Variants in PSAT1 observed in about 807,000 individuals in gnomAD.
PSAT1 encodes phosphoserine aminotransferase.
Under a neutral mutation model 40.3 loss-of-function variants are expected in PSAT1, and 41 were observed. That is an observed-to-expected ratio of 1.02 (90% CI 0.79 to 1.32). The LOEUF (loss-of-function observed/expected upper bound fraction) is 1.32, where lower values mean the gene tolerates loss of function less well. Among genes scored for constraint, PSAT1 ranks in the 40% most tolerant of loss-of-function variants. PSAT1 has a pLI of 0.00. For missense variants in PSAT1, 406 were observed against 455.8 expected (o/e 0.89, Z 0.99); for synonymous variants, 147 against 170.5 (o/e 0.86, Z 1.07).
intron 6 of PSAT1, among the ~76,000 whole-genome samples, chr9:78,309,938 C>T (rs1204767585): frequency 6.6e-6 from 1 of 152,168 alleles, no homozygotes; most frequent in African/African-American, 2.4e-5. Flanking sequence ...GTACCCCTTT[C>T]ACTGGGTTGC....
At chr9:78,316,972 C>A (rs572972827) in intron 6 of PSAT1, among the ~76,000 whole-genome samples, 2 of 151,962 alleles carry the variant, frequency 1.3e-5, no homozygotes, top group Admixed American at 6.6e-5. Context: ...ATGGGCAAGG[C>A]GCTCTGGGAG....
intron 6 of PSAT1, among the ~76,000 whole-genome samples, chr9:78,314,461 A>G (rs112958199): frequency 3.7e-5 from 4 of 108,590 alleles, no homozygotes; most frequent in Non-Finnish European, 5.4e-5. Flanking sequence ...AGGACCTCCT[A>G]TCTTGTGTTA....
intron 7 of PSAT1, among the ~76,000 whole-genome samples, chr9:78,319,943 C>G (rs1338700175): frequency 6.6e-6 from 1 of 151,582 alleles, no homozygotes; most frequent in Non-Finnish European, 1.5e-5. Flanking sequence ...CATCTACTCA[C>G]CCACCCATCC....
intron 8 of PSAT1, 124 bp from the exon 9 acceptor site, chr9:78,328,857 G>T (rs1479936130): frequency 3.9e-6 from 3 of 771,886 alleles, no homozygotes; most frequent in Non-Finnish European, 6.8e-6. Context: ...GGAGTTTTTA[G>T]GTAGGAGACC....
At chr9:78,298,448 AGGG>A in intron 1 of PSAT1, 1 of 984,834 alleles carries the variant, frequency 1.0e-6, no homozygotes, top group Non-Finnish European at 1.2e-6. Flanking sequence ...TTACTTTTCT[AGGG>A]GCAGCGCTCA....
rs1828161692 is a variant in PSAT1, at chr9:78,305,033, T to A, written c.397+93T>A. On this transcript the variant is annotated intron_variant, in intron 4 of 8. Coordinates refer to ENST00000376588, the MANE Select transcript of PSAT1 (RefSeq NM_058179.4). Reference sequence around the variant, plus strand: ...TGTAGTTTTCAATTATTTTCTCCCCTTGACAGTGTTAGTTCATTACCATTT... The same window carrying A: ...TGTAGTTTTCAATTATTTTCTCCCCATGACAGTGTTAGTTCATTACCATTT... 14 of 1,153,182 alleles carry A rather than the reference T, an allele frequency of 1.2e-5. No homozygotes were observed. In the East Asian group the frequency reaches 3.4e-4, roughly 28 times the overall value. 71.4% of individuals were successfully genotyped at this position (1,153,182 alleles called of 1,614,324 possible).
chr9:78,305,316 T>C (rs574915560), intron 4 of PSAT1, among the ~76,000 whole-genome samples: 33 of 152,294 alleles, frequency 2.2e-4, no homozygotes, highest in African/African-American at 7.7e-4. Context: ...AGTTTAACCA[T>C]GTTGGCCAGG....
chr9:78,329,191 AT>A lies in PSAT1; in HGVS notation c.*106del, dbSNP rs1828545581. The A allele has an allele frequency of 2.4e-6, 2 of 816,804 alleles. No homozygotes were observed. 50.6% of individuals were successfully genotyped at this position (816,804 alleles called of 1,614,324 possible). A position where few individuals can be genotyped will look rare whatever the true frequency, so the allele number is the denominator to read the frequency against. Reference sequence around the variant, plus strand: ...AACACAGTATTTTTCTCAAATGAACATGTTTATTGCAGATTCTTCTTTTTTG... The same window carrying A: ...AACACAGTATTTTTCTCAAATGAACAGTTTATTGCAGATTCTTCTTTTTTG... On this transcript the variant is annotated 3_prime_UTR_variant, in exon 9 of 9. Transcript: ENST00000376588.
chr9:78,315,496 A>G (rs984236632), intron 6 of PSAT1, among the ~76,000 whole-genome samples: 1 of 152,074 alleles, frequency 6.6e-6, no homozygotes, highest in Non-Finnish European at 1.5e-5. Flanking sequence ...GACTTCTTGG[A>G]CGTTAGCCAG....
At chr9:78,303,659 A>G (rs1200119092) in intron 3 of PSAT1, among the ~76,000 whole-genome samples, 2 of 152,180 alleles carry the variant, frequency 1.3e-5, no homozygotes, top group Non-Finnish European at 2.9e-5. Flanking sequence ...AGAGTCTCCT[A>G]AGACCTGCTG....
At chr9:78,324,839 G>A (rs888130847) in intron 7 of PSAT1, among the ~76,000 whole-genome samples, 10 of 152,034 alleles carry the variant, frequency 6.6e-5, no homozygotes, top group African/African-American at 2.2e-4. Context: ...ACACCGGCCC[G>A]TCCTACTCAT....
chr9:78,308,673 A>G lies in PSAT1; in HGVS notation c.740+90A>G, dbSNP rs183159222. On this transcript the variant is annotated intron_variant, in intron 6 of 8. Coordinates refer to ENST00000376588, the MANE Select transcript of PSAT1 (RefSeq NM_058179.4). ...GTTACATTTTAAAATAAAACATGTA[A>G]GCCTGGGCGCGGTGGCTCACACCTG... The G allele has an allele frequency of 6.4e-5, 96 of 1,500,956 alleles. No individual in the cohort carries two copies. The African/African-American group carries it at 1.2e-3, about 19-fold the overall frequency. 93.0% of individuals were successfully genotyped at this position (1,500,956 alleles called of 1,614,324 possible).
intron 1 of PSAT1, among the ~76,000 whole-genome samples, chr9:78,297,985 C>T (rs1828052062): frequency 6.6e-6 from 1 of 151,832 alleles, no homozygotes; most frequent in Non-Finnish European, 1.5e-5. Flanking sequence ...TTTTAACCTG[C>T]TTGTCCCCTA....
In PSAT1 at chr9:78,308,131, G is replaced by A. The variant is rs3824361; in HGVS notation, c.571-283G>A. On this transcript the variant is annotated intron_variant, in intron 5 of 8. Coordinates refer to ENST00000376588, the MANE Select transcript of PSAT1 (RefSeq NM_058179.4). ...CTTTCTACTTTGGGGGTAGAAAGGA[G>A]GTGTGCAGAGCGAATGTGAATATGT... Among the ~76,000 whole-genome samples the A allele has an allele frequency of 0.13, 20,058 of 152,164 alleles. 1,778 individuals carry two copies. Among genetic ancestry groups the A allele is most frequent in the East Asian group, 0.43 (2,229 of 5,148 alleles).
chr9:78,300,492 G>A, intron 1 of PSAT1, 110 bp from the exon 2 acceptor site: 2 of 1,377,006 alleles, frequency 1.5e-6, no homozygotes, highest in Non-Finnish European at 1.9e-6. Flanking sequence ...ATGGAAGCCT[G>A]GGGACCTCAC....
intron 5 of PSAT1, among the ~76,000 whole-genome samples, 171 bp downstream of exon 5, chr9:78,306,657 T>G (rs1171648034): frequency 6.6e-6 from 1 of 152,222 alleles, no homozygotes; most frequent in Non-Finnish European, 1.5e-5. Flanking sequence ...GCTGTTGCAG[T>G]GCCTGAGTCC....
At chr9:78,312,063 T>C (rs1335821871) in intron 6 of PSAT1, among the ~76,000 whole-genome samples, 4 of 145,100 alleles carry the variant, frequency 2.8e-5, no homozygotes, top group South Asian at 2.2e-4. Context: ...TTTTTTTTTT[T>C]CCCCACAGAG....
rs1476158627 is a variant in PSAT1 at position 78,328,087 on chromosome 9, T to C, written c.906T>C (p.Asn302=). Residue 302 remains asparagine (N), a synonymous_variant, in exon 8 of 9, where the codon AAT becomes AAC. Coordinates refer to ENST00000376588, the MANE Select transcript of PSAT1 (RefSeq NM_058179.4). ...PVEPQNRSKM[N]IPFRIGNAKG... is the part of the protein sequence containing the mutation. ...AGCCCCAAAATAGAAGCAAGATGAA[T>C]ATTCCATTCCGCATTGGCAATGCCA... 1 of 1,611,596 alleles carries C rather than the reference T, an allele frequency of 6.2e-7. No homozygotes were observed. Among genetic ancestry groups the C allele is most frequent in the South Asian group, 1.1e-5 (1 of 90,992 alleles).
intron 6 of PSAT1, among the ~76,000 whole-genome samples, chr9:78,312,029 G>C (rs940182827): frequency 6.7e-6 from 1 of 149,362 alleles, no homozygotes; most frequent in African/African-American, 2.5e-5. Flanking sequence ...TCTTGAAAAG[G>C]CCTCACTTTT....
Sources: gnomAD v4.1 joint callset for allele counts (sites outside exome capture counted in the v4.1 genomes callset) on GRCh38, gnomAD v4.1.1 for gene constraint, MANE v1.5 for transcripts, NCBI Gene and HGNC (gene_info 2026-07-23, HGNC 2026-07-21) for gene names.